PHF21B: variants seen among roughly 807,000 people sequenced by gnomAD.
The protein encoded by PHF21B is PHD finger protein 4.
Under a neutral mutation model 62.2 loss-of-function variants are expected in PHF21B, and 22 were observed. The ratio of observed to expected loss-of-function variants is 0.35; its 90% CI spans 0.25 to 0.51. The LOEUF (loss-of-function observed/expected upper bound fraction) is 0.51, where lower values mean the gene tolerates loss of function less well. Among genes scored for constraint, PHF21B ranks in the 20% least tolerant of loss-of-function variants. The pLI is 0.97. For missense variants in PHF21B, 701 were observed against 707.9 expected, an observed-to-expected ratio of 0.99 and a Z score of 0.11; for synonymous variants, 341 against 314.7, an observed-to-expected ratio of 1.08 and a Z score of -0.88.
chr22:44,997,686 T>A (rs1053975234), intron 2 of PHF21B, among the ~76,000 whole-genome samples: 2 of 152,236 alleles, frequency 1.3e-5, no homozygotes, highest in African/African-American at 2.4e-5. Context: ...ATGTGCAGAT[T>A]GGCTTTCCGC....
Position 45,009,721 on chromosome 22 carries a change from G to A in PHF21B, c.-172C>T. 1 of 558,972 alleles carries A rather than the reference G, an allele frequency of 1.8e-6. No homozygotes were observed. Among genetic ancestry groups the A allele is most frequent in the Non-Finnish European group, 2.9e-6 (1 of 344,032 alleles). The allele number at this position is 558,972 out of a possible 1,614,324, so 34.6% of individuals were successfully genotyped here. On this transcript the variant is annotated 5_prime_UTR_variant, in exon 1 of 13. Transcript: ENST00000313237. This position sits in a 1 kb window ranked among gnomAD's most constrained non-coding sequence, Gnocchi z 5.9. ...AGGGAAGGGGGCTGGCGAAGGGGAA[G>A]ACAGGCTTCCGGGCGCCGCGGCGCC...
At chr22:44,918,876 G>A (rs749707910) in intron 3 of PHF21B, among the ~76,000 whole-genome samples, 6 of 152,152 alleles carry the variant, frequency 3.9e-5, no homozygotes, top group African/African-American at 7.2e-5. Flanking sequence ...CTGAAGCCTC[G>A]CATAGCTCCC....
At chr22:44,928,444 C>G (rs2071675648) in intron 2 of PHF21B, among the ~76,000 whole-genome samples, 1 of 152,178 alleles carries the variant, frequency 6.6e-6, no homozygotes, top group Non-Finnish European at 1.5e-5. Context: ...GAGTCTTGCT[C>G]TGTCTCCCAG....
At chr22:44,911,193 A>G (rs537862884) in intron 5 of PHF21B, among the ~76,000 whole-genome samples, 1 of 152,352 alleles carries the variant, frequency 6.6e-6, no homozygotes, top group South Asian at 2.1e-4. Flanking sequence ...AAAGGCATTC[A>G]GTTTTAAAAG....
intron 2 of PHF21B, among the ~76,000 whole-genome samples, chr22:44,993,285 T>C (rs561915346): frequency 6.6e-6 from 1 of 152,252 alleles, no homozygotes; most frequent in African/African-American, 2.4e-5. Flanking sequence ...GCTTCAGATA[T>C]AAGCCCTCAG....
chr22:44,963,712 G>A (rs2072469928), intron 2 of PHF21B, among the ~76,000 whole-genome samples: 2 of 152,216 alleles, frequency 1.3e-5, no homozygotes, highest in African/African-American at 4.8e-5. Context: ...CCCATGCCAG[G>A]CCCAGCACCT....
At chr22:44,884,788 T>C (rs1324816631) in intron 12 of PHF21B, among the ~76,000 whole-genome samples, 5 of 148,756 alleles carry the variant, frequency 3.4e-5, no homozygotes, top group Admixed American at 6.7e-5. Context: ...ACCACCACCA[T>C]TACGACCAAC....
intron 5 of PHF21B, among the ~76,000 whole-genome samples, chr22:44,912,457 A>C (rs182269360): frequency 2.0e-5 from 3 of 152,278 alleles, no homozygotes; most frequent in African/African-American, 7.2e-5. Context: ...GGTCTTTCCC[A>C]TGCTGTTCTC....
chr22:44,955,820 T>C (rs2072284839), intron 2 of PHF21B, among the ~76,000 whole-genome samples: 1 of 152,176 alleles, frequency 6.6e-6, no homozygotes, highest in Non-Finnish European at 1.5e-5. Context: ...TCCCCATCTG[T>C]ATCCCATTGG....
intron 2 of PHF21B, among the ~76,000 whole-genome samples, chr22:44,992,494 C>A (rs2073056767): frequency 1.3e-5 from 2 of 152,268 alleles, no homozygotes; most frequent in African/African-American, 4.8e-5. Context: ...AGGTGACTGT[C>A]AAGCACGTCA....
Position 45,009,455 on chromosome 22 carries a change from A to C in PHF21B, c.54+41T>G, listed in dbSNP as rs1428063611. ...GGGTCCCCCGACCCCCTCACCCCGC[A>C]ACACACTCCCCGGCCCCGGGCCCGG... On this transcript the variant is annotated intron_variant, in intron 1 of 12. Transcript: ENST00000313237. This position sits in a 1 kb window ranked among gnomAD's most constrained non-coding sequence, Gnocchi z 5.9. 1 of 1,516,156 alleles carries C rather than the reference A, an allele frequency of 6.6e-7. No individual in the cohort carries two copies. Among genetic ancestry groups the C allele is most frequent in the South Asian group, 1.2e-5 (1 of 82,308 alleles). The allele number at this position is 1,516,156 out of a possible 1,614,324, so 93.9% of individuals were successfully genotyped here.
At chr22:45,002,349 T>C (rs1195088993) in intron 2 of PHF21B, among the ~76,000 whole-genome samples, 4 of 152,058 alleles carry the variant, frequency 2.6e-5, no homozygotes, top group Non-Finnish European at 5.9e-5. Context: ...CACAAACACA[T>C]ACACACACTT....
At chr22:44,937,261 T>C (rs1487978891) in intron 2 of PHF21B, among the ~76,000 whole-genome samples, 2 of 152,130 alleles carry the variant, frequency 1.3e-5, no homozygotes, top group African/African-American at 2.4e-5. Context: ...ATCCTATTCA[T>C]CCCCAAGAGC....
intron 5 of PHF21B, among the ~76,000 whole-genome samples, chr22:44,911,432 G>C (rs911072742): frequency 2.0e-5 from 3 of 152,112 alleles, no homozygotes; most frequent in Admixed American, 2.0e-4. Context: ...AGGAAAAAAT[G>C]TTTTCTTAGG....
At chr22:44,980,099 AAAG>A (rs1483013502) in intron 2 of PHF21B, among the ~76,000 whole-genome samples, 3 of 149,060 alleles carry the variant, frequency 2.0e-5, no homozygotes, top group Admixed American at 6.7e-5. Flanking sequence ...AAAAAAAAGG[AAAG>A]AAGAAGTAAC....
intron 2 of PHF21B, among the ~76,000 whole-genome samples, chr22:44,927,406 A>G (rs1286565034): frequency 2.0e-5 from 3 of 152,212 alleles, no homozygotes; most frequent in African/African-American, 4.8e-5. Flanking sequence ...GCAGGCAGAA[A>G]GAGTGGGCTC....
Position 44,896,344 on chromosome 22 carries a change from T to TGCA in PHF21B, c.832-264_832-262dup, listed in dbSNP as rs1402114513. On this transcript the variant is annotated intron_variant, in intron 5 of 12. Coordinates refer to ENST00000313237, the MANE Select transcript of PHF21B (RefSeq NM_138415.5). Reference sequence around the variant, plus strand: ...TCAAACATACTTTAAGGGGCTAAGGTGCACATAGCTGGGCTAATCCTTATG... The same window carrying TGCA: ...TCAAACATACTTTAAGGGGCTAAGGTGCAGCACATAGCTGGGCTAATCCTTATG... Among the ~76,000 whole-genome samples, 4 of 152,144 alleles carry TGCA rather than the reference T, an allele frequency of 2.6e-5. No individual in the cohort carries two copies. The East Asian group carries it at 7.7e-4, about 29-fold the overall frequency.
At chr22:44,967,720 T>C (rs1392159736) in intron 2 of PHF21B, among the ~76,000 whole-genome samples, 1 of 152,176 alleles carries the variant, frequency 6.6e-6, no homozygotes, top group East Asian at 1.9e-4. Flanking sequence ...GTCCACACTG[T>C]GTTCAGGCTT....
At chr22:44,996,324 C>T (rs909674079) in intron 2 of PHF21B, among the ~76,000 whole-genome samples, 1 of 152,154 alleles carries the variant, frequency 6.6e-6, no homozygotes, top group African/African-American at 2.4e-5. Context: ...AGGGAGCATC[C>T]GCCAGCCTTC....
Sources: allele counts gnomAD v4.1 joint callset (sites outside exome capture counted in the v4.1 genomes callset), GRCh38; gene constraint gnomAD v4.1.1; non-coding constraint Gnocchi (gnomAD v3.1); transcripts MANE v1.5; gene names NCBI Gene and HGNC (gene_info 2026-07-23, HGNC 2026-07-21).